The following OSMR variants were observed in gnomAD, a reference collection of about 807,000 sequenced individuals.
The protein encoded by OSMR is oncostatin M receptor.
Under a neutral mutation model 99.9 loss-of-function variants are expected in OSMR, and 81 were observed. That is an observed-to-expected ratio of 0.81 (90% CI 0.68 to 0.97). The LOEUF is 0.97. OSMR is among the 50% of genes least tolerant of loss of function. The pLI is 0.00. For missense variants in OSMR, 1,099 were observed against 1,153.4 expected (o/e 0.95, Z 0.68); for synonymous variants, 406 against 410.4 (o/e 0.99, Z 0.13).
chr5:38,910,798 C>G (rs1295847077), intron 9 of OSMR, among the ~76,000 whole-genome samples: 1 of 152,146 alleles, frequency 6.6e-6, no homozygotes, highest in Non-Finnish European at 1.5e-5. Context: ...ATCACGAGGT[C>G]AGGAGTTTGA....
chr5:38,911,427 C>T (rs946211123), intron 9 of OSMR, among the ~76,000 whole-genome samples: 1 of 152,052 alleles, frequency 6.6e-6, no homozygotes, highest in South Asian at 2.1e-4. Context: ...TAACAAAAAG[C>T]CTAGGAACCA....
intron 7 of OSMR, among the ~76,000 whole-genome samples, chr5:38,903,293 C>T (rs1308895188): frequency 6.6e-6 from 1 of 152,158 alleles, no homozygotes; most frequent in Non-Finnish European, 1.5e-5. Context: ...GGAGAGCTGC[C>T]CAGGGCAAAC....
At position 38,917,621 on chromosome 5, in the gene OSMR, AG is replaced by A; in HGVS notation, c.1362+1del. 6.2e-7 allele frequency: 1 copy of A among 1,611,170 alleles called. No homozygotes were observed. ...AATCATACTGTGACCTTATTCTGGA[AG>A]GTAAGATGTGCAGATTCCAAAAGTC... Reference protein sequence around the residue: ...PGNHTVTLFWKPLSKLHANGK... With the variant: ...PGNHTVTLFWXPLSKLHANGK... On this transcript the variant is annotated frameshift_variant and splice_region_variant, in exon 10 of 18. Transcript: ENST00000274276. LOFTEE classifies it high-confidence loss of function.
intron 1 of OSMR, among the ~76,000 whole-genome samples, chr5:38,865,343 T>G (rs1048670933): frequency 6.6e-6 from 1 of 152,234 alleles, no homozygotes; most frequent in African/African-American, 2.4e-5. Flanking sequence ...TATCTGAGCA[T>G]CTGGTGAAAG....
In OSMR at chr5:38,932,547, C is replaced by T; in HGVS notation, c.2367+12C>T. 6.2e-7 allele frequency: 1 copy of T among 1,607,694 alleles called. No individual in the cohort carries two copies. Among genetic ancestry groups the T allele is most frequent in the Non-Finnish European group, 8.5e-7 (1 of 1,174,244 alleles). ...TAATAAAATTCAAGGTAAATGTTGG[C>T]AAATTGTATGTATACCATATACCTA... is the stretch of plus-strand genomic sequence containing the variant. On this transcript the variant is annotated intron_variant, in intron 17 of 17. Transcript: ENST00000274276.
At chr5:38,851,468 C>G (rs1579612242) in intron 1 of OSMR, among the ~76,000 whole-genome samples, 1 of 152,024 alleles carries the variant, frequency 6.6e-6, no homozygotes, top group African/African-American at 2.4e-5. Flanking sequence ...AGACCCAGTG[C>G]AGGTGTGATG....
At chr5:38,863,902 A>G (rs1741717678) in intron 1 of OSMR, among the ~76,000 whole-genome samples, 1 of 149,520 alleles carries the variant, frequency 6.7e-6, no homozygotes, top group African/African-American at 2.5e-5. Context: ...TGAGCCCTTT[A>G]TTACATATAA....
intron 1 of OSMR, chr5:38,943,156 GGGT>G: frequency 2.7e-6 from 1 of 364,622 alleles, no homozygotes; most frequent in Non-Finnish European, 4.7e-6. Context: ...TTCTGAGTTT[GGGT>G]TTTTTTTTAA....
At chr5:38,865,763 G>T (rs1741890103) in intron 1 of OSMR, among the ~76,000 whole-genome samples, 1 of 152,230 alleles carries the variant, frequency 6.6e-6, no homozygotes, top group South Asian at 2.1e-4. Context: ...TGCCAGCAGT[G>T]GCAGTGGTAG....
intron 1 of OSMR, among the ~76,000 whole-genome samples, chr5:38,851,574 C>T (rs887209848): frequency 6.6e-6 from 1 of 152,192 alleles, no homozygotes; most frequent in Non-Finnish European, 1.5e-5. Context: ...GAATCTTCCA[C>T]AGATCTGAAG....
At chr5:38,923,547 A>G (rs1299816397) in intron 13 of OSMR, among the ~76,000 whole-genome samples, 2 of 152,196 alleles carry the variant, frequency 1.3e-5, no homozygotes, top group Admixed American at 6.5e-5. Context: ...TTTGTAAATG[A>G]AGTCTTAAAG....
At chr5:38,915,828 GAT>G (rs1433323100) in intron 9 of OSMR, among the ~76,000 whole-genome samples, 1 of 152,206 alleles carries the variant, frequency 6.6e-6, no homozygotes, top group Admixed American at 6.5e-5. Context: ...TGAGTAGAGA[GAT>G]AAAGATGTTT....
intron 4 of OSMR, among the ~76,000 whole-genome samples, chr5:38,883,194 A>G (rs141757797): frequency 1.2e-3 from 190 of 152,344 alleles, no homozygotes; most frequent in African/African-American, 4.5e-3. Flanking sequence ...ACATGCCTGT[A>G]GTCCCAGCTA....
chr5:38,904,529 C>A (rs201020824), intron 9 of OSMR, 26 bp downstream of exon 9: 45 of 1,613,782 alleles, frequency 2.8e-5, no homozygotes, highest in Non-Finnish European at 3.6e-5. Context: ...GGCATTTAAC[C>A]CAAAGAAGTA....
intron 12 of OSMR, 127 bp downstream of exon 12, chr5:38,921,921 A>G: frequency 1.3e-6 from 1 of 792,038 alleles, no homozygotes; most frequent in South Asian, 1.5e-5. Context: ...CAAATCCAGC[A>G]TGGGTGTTAG....
Position 38,876,381 on chromosome 5 carries a change from AT to A in OSMR, c.246+15del, listed in dbSNP as rs746749030. The A allele has an allele frequency of 5.0e-6, 8 of 1,609,902 alleles. No individual in the cohort carries two copies. The highest frequency in any genetic ancestry group is 2.2e-5 in the East Asian group (1 of 44,812). Reference sequence around the variant, plus strand: ...TCCAATGTCATCTGGGTGGTAAGTAATTTTTTTGGCTCAATATTTAAAAAAT... The same window carrying A: ...TCCAATGTCATCTGGGTGGTAAGTAATTTTTTGGCTCAATATTTAAAAAAT... On this transcript the variant is annotated intron_variant, in intron 3 of 17. Coordinates refer to ENST00000274276, the MANE Select transcript of OSMR (RefSeq NM_003999.3).
intron 4 of OSMR, 63 bp downstream of exon 4, chr5:38,881,827 G>C: frequency 7.1e-7 from 1 of 1,403,128 alleles, no homozygotes; most frequent in Non-Finnish European, 1.0e-6. Context: ...AGGAGCAATA[G>C]TCAAATAGTG....
chr5:38,881,630 T>G lies in OSMR; in HGVS notation c.284T>G (p.Leu95Arg). ...ACCACTGTGAAGTGGAACCAGGTTC[T>G]GCATTGGAGCTGGGAATCTGAGCTC... ...YSTTVKWNQV[L>R]HWSWESELPL... Residue 95 changes from leucine (L) to arginine (R), a missense_variant, in exon 4 of 18, where the codon CTG becomes CGG. Coordinates refer to ENST00000274276, the MANE Select transcript of OSMR (RefSeq NM_003999.3). 6.2e-7 allele frequency: 1 copy of G among 1,614,180 alleles called. No individual in the cohort carries two copies. The highest frequency in any genetic ancestry group is 8.5e-7 in the Non-Finnish European group (1 of 1,179,994).
intron 9 of OSMR, among the ~76,000 whole-genome samples, chr5:38,905,940 G>C (rs1431757017): frequency 6.6e-6 from 1 of 152,200 alleles, no homozygotes; most frequent in Middle Eastern, 3.4e-3. Flanking sequence ...AGTGGGCACC[G>C]CTAATCAGAA....
Sources: gnomAD v4.1 joint callset for allele counts (sites outside exome capture counted in the v4.1 genomes callset) on GRCh38, gnomAD v4.1.1 for gene constraint, MANE v1.5 for transcripts, NCBI Gene and HGNC (gene_info 2026-07-23, HGNC 2026-07-21) for gene names.